The following OPTN variants were observed in gnomAD, a reference collection of about 807,000 sequenced individuals.
The protein encoded by OPTN is optineurin.
OPTN carries 54 observed loss-of-function variants against 70.4 expected under a neutral mutation model. That is an observed-to-expected ratio of 0.77 (90% confidence interval 0.62 to 0.96). The LOEUF is 0.96. Ranked by LOEUF, OPTN falls within the 40% of genes least tolerant of loss-of-function variation. OPTN has a pLI of 0.00. For missense variants in OPTN, 624 were observed against 673.2 expected (o/e 0.93, Z 0.81); for synonymous variants, 256 against 248.5 (o/e 1.03, Z -0.28).
chr10:13,101,034 T>G (rs1832732029), intron 1 of OPTN, among the ~76,000 whole-genome samples: 1 of 152,156 alleles, frequency 6.6e-6, no homozygotes, highest in Admixed American at 6.5e-5. Flanking sequence ...GTTAGCAAGG[T>G]GCAGGCTGTG....
chr10:13,107,443 A>G (rs1832891435), intron 1 of OPTN, among the ~76,000 whole-genome samples: 1 of 133,250 alleles, frequency 7.5e-6, no homozygotes, highest in African/African-American at 2.9e-5. Context: ...CAGTGGCACG[A>G]TCTCGGCTCA....
chr10:13,110,191 C>T, intron 3 of OPTN, 83 bp from the exon 4 acceptor site: 1 of 1,574,200 alleles, frequency 6.4e-7, no homozygotes, highest in South Asian at 1.2e-5. Flanking sequence ...GCCATGTGGT[C>T]AAGTGGACTA....
rs1271679369 is a variant in OPTN, at chr10:13,137,313, G to A, written c.*447G>A. 6.5e-6 allele frequency: 2 copies of A among 309,854 alleles called. No homozygotes were observed. The highest frequency in any genetic ancestry group is 1.2e-5 in the Non-Finnish European group (2 of 164,094). 19.2% of individuals were successfully genotyped at this position (309,854 alleles called of 1,614,324 possible). ...AAAGAAAAAAAGGAAGGAAGGAGAA[G>A]GAAGGAAGGAGAAGAAAAGGTACCT... On this transcript the variant is annotated 3_prime_UTR_variant, in exon 15 of 15. Transcript: ENST00000378747.
intron 7 of OPTN, among the ~76,000 whole-genome samples, chr10:13,121,500 TAAAAAAAAAAAAAAA>T (rs200687404): frequency 3.3e-5 from 3 of 90,878 alleles, no homozygotes; most frequent in South Asian, 4.5e-4. Flanking sequence ...GATTATCCTG[TAAAAAAAAAAAAAAA>T]AAAAAAAAAA....
At position 13,100,300 on chromosome 10, in the gene OPTN, C is replaced by G. The variant is rs935013311; in HGVS notation, c.-166C>G. 3.3e-5 allele frequency: 5 copies of G among 152,476 alleles called. No individual in the cohort carries two copies. The highest frequency in any genetic ancestry group is 1.2e-4 in the African/African-American group (5 of 41,464). 9.4% of individuals were successfully genotyped at this position (152,476 alleles called of 1,614,324 possible). On this transcript the variant is annotated splice_region_variant and 5_prime_UTR_variant, in exon 1 of 15. Transcript: ENST00000378747. ...CCCTGAGCGAAGCCAAGCCGGGCGG[C>G]AGGTGAGCCAGGGCAGGGGGCTGCA...
At chr10:13,119,655 T>C (rs1156265596) in intron 7 of OPTN, among the ~76,000 whole-genome samples, 1 of 152,184 alleles carries the variant, frequency 6.6e-6, no homozygotes, top group Non-Finnish European at 1.5e-5. Flanking sequence ...CTGCGCCATT[T>C]TGCATTCCCA....
At chr10:13,104,753 T>C in intron 1 of OPTN, 1 of 657,590 alleles carries the variant, frequency 1.5e-6, no homozygotes, top group Non-Finnish European at 2.9e-6. Flanking sequence ...CAATGATAAC[T>C]TCTTGTCCAT....
chr10:13,116,794 A>G (rs1651183303), intron 6 of OPTN, among the ~76,000 whole-genome samples: 1 of 152,214 alleles, frequency 6.6e-6, no homozygotes. Context: ...TTTTGTAACA[A>G]TGACTGATAG....
At chr10:13,129,555 G>A (rs558888661) in intron 12 of OPTN, among the ~76,000 whole-genome samples, 66 of 141,608 alleles carry the variant, frequency 4.7e-4, no homozygotes, top group Non-Finnish European at 8.3e-4. Flanking sequence ...GTTTCACCAC[G>A]TTAGCCATGG....
chr10:13,109,069 G>C (rs1832934609), intron 2 of OPTN, 43 bp from the exon 3 acceptor site: 1 of 1,590,822 alleles, frequency 6.3e-7, no homozygotes, highest in Admixed American at 1.7e-5. Flanking sequence ...ACCCCTTGTG[G>C]GGCGGGGGAC....
rs762369532 is a variant in OPTN, at chr10:13,125,937, T to C, written c.1149-9T>C. On this transcript the variant is annotated splice_polypyrimidine_tract_variant and intron_variant, in intron 10 of 14. Transcript: ENST00000378747. Reference sequence around the variant, plus strand: ...CCAGGATTCCATTTTTTAATATCTTTTTTAATAGGTCCAAATTAACTGTGC... The same window carrying C: ...CCAGGATTCCATTTTTTAATATCTTCTTTAATAGGTCCAAATTAACTGTGC... 1 of 1,591,452 alleles carries C rather than the reference T, an allele frequency of 6.3e-7. No individual in the cohort carries two copies. Among genetic ancestry groups the C allele is most frequent in the Non-Finnish European group, 8.6e-7 (1 of 1,159,536 alleles).
chr10:13,109,822 G>A (rs1425658187), intron 3 of OPTN, among the ~76,000 whole-genome samples: 1 of 122,424 alleles, frequency 8.2e-6, no homozygotes, highest in East Asian at 2.4e-4. Context: ...ATGACAGAGA[G>A]AGACCCTGAC....
chr10:13,119,105 A>T, intron 7 of OPTN, 65 bp downstream of exon 7: 6 of 1,416,398 alleles, frequency 4.2e-6, no homozygotes, highest in Non-Finnish European at 5.9e-6. Context: ...TATAATTAAG[A>T]TACCATACAG....
Position 13,133,556 on chromosome 10 carries a change from C to G in OPTN, c.1587C>G (p.Asp529Glu). Residue 529 changes from aspartate to glutamate, a missense_variant, in exon 14 of 15, where the codon GAC becomes GAG. Physicochemically the swap from Asp to Glu is conservative, Grantham distance 45. Transcript: ENST00000378747. ...ATGGGGCGAGAACAAGTGACTCTGA[C>G]CAGCAGGCTTACCTTGTTCAAAGAG... ...SRHGARTSDS[D>E]QQAYLVQRGA... The G allele has an allele frequency of 6.2e-7, 1 of 1,614,060 alleles. No individual in the cohort carries two copies.
Position 13,138,095 on chromosome 10 carries a change from T to C in OPTN, c.*1229T>C, listed in dbSNP as rs1017321837. ...ATATCTTTCATTAGTTCTATGGATA[T>C]GAGCAGATCCCTTTACTGGAGCCCA... is the stretch of plus-strand genomic sequence containing the variant. On this transcript the variant is annotated 3_prime_UTR_variant, in exon 15 of 15. Transcript: ENST00000378747. The C allele has an allele frequency of 6.6e-4, 131 of 197,072 alleles. 1 individual carries two copies. Among genetic ancestry groups the C allele is most frequent in the African/African-American group, 2.6e-3 (113 of 43,302 alleles). 12.2% of individuals were successfully genotyped at this position (197,072 alleles called of 1,614,324 possible).
chr10:13,125,493 CAA>C lies in OPTN; in HGVS notation c.1078_1079del (p.Lys360ValfsTer18), dbSNP rs1833438306. 2 of 1,613,958 alleles carry C rather than the reference CAA, an allele frequency of 1.2e-6. No individual in the cohort carries two copies. The highest frequency in any genetic ancestry group is 8.5e-7 in the Non-Finnish European group (1 of 1,179,956). On this transcript the variant is annotated frameshift_variant, in exon 10 of 15. Transcript: ENST00000378747. LOFTEE classifies it high-confidence loss of function. ...NEKQELVYTNKKLELQVESML... is the reference protein window; with the variant it reads ...NEKQELVYTNXKLELQVESML... ...AAAAGCAAGAGCTTGTTTATACTAA[CAA>C]AAAGTTAGAGCTACAAGTGGAAAGC...
intron 1 of OPTN, among the ~76,000 whole-genome samples, chr10:13,101,413 C>T (rs1316839556): frequency 1.4e-5 from 2 of 139,456 alleles, no homozygotes; most frequent in African/African-American, 5.5e-5. Context: ...CCCCCACCCA[C>T]CCCCGGAAAA....
intron 14 of OPTN, among the ~76,000 whole-genome samples, chr10:13,135,179 C>T: frequency 6.6e-6 from 1 of 152,202 alleles, no homozygotes; most frequent in African/African-American, 2.4e-5. Flanking sequence ...AGGCTGAGTC[C>T]AAAAAACCAA....
intron 6 of OPTN, among the ~76,000 whole-genome samples, chr10:13,117,430 T>C (rs371818491): frequency 2.4e-5 from 1 of 41,088 alleles, no homozygotes; most frequent in Admixed American, 3.1e-4. Context: ...TTTTTTTTTT[T>C]GAGATGGAGT....
Sources: gnomAD v4.1 joint callset for allele counts (sites outside exome capture counted in the v4.1 genomes callset) on GRCh38, gnomAD v4.1.1 for gene constraint, MANE v1.5 for transcripts, NCBI Gene and HGNC (gene_info 2026-07-23, HGNC 2026-07-21) for gene names.